Variants in SYTL5 observed in about 807,000 individuals in gnomAD.
The protein encoded by SYTL5 is synaptotagmin like 5, also known as synaptotagmin-like protein 5.
SYTL5 carries 34 observed loss-of-function variants against 55.9 expected under a neutral mutation model. The ratio of observed to expected loss-of-function variants is 0.61; its 90% confidence interval spans 0.46 to 0.81. The LOEUF is 0.81. SYTL5 is among the 30% of genes least tolerant of loss of function. SYTL5 has a pLI of 0.00. For synonymous variants in SYTL5, 221 were observed against 188.7 expected, an observed-to-expected ratio of 1.17 and a Z score of -1.40; for missense variants, 637 against 546.7, an observed-to-expected ratio of 1.17 and a Z score of -1.65.
Position 38,057,182 on chromosome X carries a change from A to G in SYTL5, c.329+2760A>G, listed in dbSNP as rs776640684. On this transcript the variant is annotated intron_variant, in intron 3 of 16. Coordinates refer to ENST00000297875, the MANE Select transcript of SYTL5 (RefSeq NM_138780.3). ...TGTATGTGGTGAGAGATATGGGTCT[A>G]GTTTCATTCTATGCATGTGGATATC... 2.7e-5 allele frequency among the ~76,000 whole-genome samples: 3 copies of G among 111,663 alleles called. No homozygotes were observed. In the South Asian group the frequency reaches 1.1e-3, roughly 42 times the overall value.
chrX:37,943,226 T>C, the SYTL5 span, among the ~76,000 whole-genome samples: 1 of 112,136 alleles, frequency 8.9e-6, no homozygotes, highest in African/African-American at 3.2e-5. Context: ...TTTTGTGAAT[T>C]GACACAGGTT....
chrX:37,963,817 T>C, the SYTL5 span, among the ~76,000 whole-genome samples: 1 of 111,923 alleles, frequency 8.9e-6, no homozygotes, highest in Non-Finnish European at 1.9e-5. Flanking sequence ...CTCCTAATCT[T>C]AGAAGAAAAG....
chrX:38,024,830 G>T (rs1481439978), intron 1 of SYTL5, among the ~76,000 whole-genome samples: 4 of 111,206 alleles, frequency 3.6e-5, no homozygotes, highest in African/African-American at 1.3e-4. Flanking sequence ...GTTATTTGAA[G>T]AATCCATATC....
chrX:38,051,129 C>G (rs1320130487), intron 2 of SYTL5, among the ~76,000 whole-genome samples: 1 of 111,699 alleles, frequency 9.0e-6, no homozygotes, highest in African/African-American at 3.3e-5. Context: ...TGGGAAAGAA[C>G]TTGGTATATT....
chrX:38,101,705 T>G (rs1265163530), intron 9 of SYTL5, among the ~76,000 whole-genome samples: 1 of 109,693 alleles, frequency 9.1e-6, no homozygotes, highest in Non-Finnish European at 1.9e-5. Context: ...GATGATATAA[T>G]CAAAAATATT....
At chrX:38,005,572 T>C (rs1229179683), upstream of SYTL5, among the ~76,000 whole-genome samples, 2 of 111,306 alleles carry the variant, frequency 1.8e-5, no homozygotes, top group Non-Finnish European at 3.8e-5. Flanking sequence ...TAAAAAATTA[T>C]AGTAACTGAA....
At chrX:38,035,548 GC>G (rs1569162850) in intron 2 of SYTL5, among the ~76,000 whole-genome samples, 2 of 103,119 alleles carry the variant, frequency 1.9e-5, no homozygotes, top group Admixed American at 2.1e-4. Flanking sequence ...CCGAGATTGC[GC>G]CACTGCACTC....
the SYTL5 span, among the ~76,000 whole-genome samples, chrX:37,902,390 C>T: frequency 8.9e-6 from 1 of 112,132 alleles, no homozygotes; most frequent in Admixed American, 9.4e-5. Context: ...CCATAACAAG[C>T]TGTGTGTCTG....
At chrX:37,934,895 A>G in the SYTL5 span, among the ~76,000 whole-genome samples, 2 of 111,653 alleles carry the variant, frequency 1.8e-5, no homozygotes, top group African/African-American at 6.5e-5. Context: ...TGGCCTCCCT[A>G]AGTGTTGGGA....
At chrX:38,100,338 A>G (rs1296336040) in intron 9 of SYTL5, among the ~76,000 whole-genome samples, 4 of 111,181 alleles carry the variant, frequency 3.6e-5, no homozygotes, top group African/African-American at 1.3e-4. Flanking sequence ...ATGACATATA[A>G]CAAAACCATT....
At chrX:37,904,249 T>G in the SYTL5 span, among the ~76,000 whole-genome samples, 3 of 84,655 alleles carry the variant, frequency 3.5e-5, no homozygotes, top group African/African-American at 1.4e-4. Flanking sequence ...AAAAAAGAGG[T>G]GTGTGTGGGG....
chrX:38,126,612 A>G lies in SYTL5; in HGVS notation c.2075A>G (p.Asp692Gly), dbSNP rs201594985. 87 of 1,209,639 alleles carry G rather than the reference A, an allele frequency of 7.2e-5. 1 individual carries two copies. The East Asian group carries it at 2.6e-3, about 36-fold the overall frequency. Residue 692 changes from aspartate (D) to glycine (G), a missense_variant, in exon 17 of 17, where the codon GAT becomes GGT. Asp to Gly is a moderately conservative substitution (Grantham distance 94). Transcript: ENST00000297875. Reference protein sequence around the residue: ...GSGVSHGKNVDWMDSQGEEQR... With the variant: ...GSGVSHGKNVGWMDSQGEEQR... ...GGTGTGAGCCATGGGAAGAACGTGG[A>G]TTGGATGGACTCTCAGGGGGAAGAG... is the stretch of plus-strand genomic sequence containing the variant.
the SYTL5 span, among the ~76,000 whole-genome samples, chrX:37,940,120 GC>G: frequency 1.8e-5 from 2 of 110,603 alleles, no homozygotes; most frequent in African/African-American, 6.6e-5. Context: ...ATAGGTGTGA[GC>G]CACCTCACCT....
At position 38,115,483 on chromosome X, in the gene SYTL5, C is replaced by CAAAA. The variant is rs772227891; in HGVS notation, c.1597-4851_1597-4848dup. On this transcript the variant is annotated intron_variant, in intron 13 of 16. Coordinates refer to ENST00000297875, the MANE Select transcript of SYTL5 (RefSeq NM_138780.3). The stretch of plus-strand genomic sequence containing the variant: ...TGGGCGACAGAGCGAGACTCCGTCT[C>CAAAA]AAAAAAAAAAAAAAAAAAAAAAAAA... Among the ~76,000 whole-genome samples the CAAAA allele has an allele frequency of 2.3e-4, 4 of 17,466 alleles. 1 individual carries two copies. The highest frequency in any genetic ancestry group is 8.0e-4 in the Admixed American group (1 of 1,252). The allele number at this position is 17,466 out of a possible 115,157, so 15.2% of individuals were successfully genotyped here.
the SYTL5 span, among the ~76,000 whole-genome samples, chrX:37,941,598 C>T: frequency 9.0e-6 from 1 of 111,530 alleles, no homozygotes; most frequent in Non-Finnish European, 1.9e-5. Flanking sequence ...GATAAGGTCC[C>T]CAGAAGTAGC....
Position 38,108,609 on chromosome X carries a change from G to A in SYTL5, c.1344G>A (p.Lys448=), listed in dbSNP as rs200409181. Residue 448 remains lysine (K), a synonymous_variant, in exon 12 of 17, where the codon AAG becomes AAA. Transcript: ENST00000297875. ...ATTTTCTTATCTATAGTTATGTCAA[G>A]TCATATCTTCTTCCTGACAAGTCCC... is the stretch of plus-strand genomic sequence containing the variant. ...EKKQRTDAYV[K]SYLLPDKSRN... is the part of the protein sequence containing the mutation. The A allele has an allele frequency of 6.1e-5, 72 of 1,179,388 alleles. No individual in the cohort carries two copies. In the Admixed American group the frequency reaches 1.1e-3, roughly 18 times the overall value.
At chrX:37,948,442 GA>G in the SYTL5 span, among the ~76,000 whole-genome samples, 2 of 109,760 alleles carry the variant, frequency 1.8e-5, no homozygotes, top group African/African-American at 3.3e-5. Flanking sequence ...ATTATATTAT[GA>G]AATCATTTAC....
At chrX:38,069,489 G>A (rs376472183) in intron 3 of SYTL5, among the ~76,000 whole-genome samples, 12 of 111,827 alleles carry the variant, frequency 1.1e-4, no homozygotes, top group Admixed American at 3.8e-4. Context: ...GACTGTTCAC[G>A]GAAAGCCATT....
At chrX:38,046,938 A>G (rs1389495974) in intron 2 of SYTL5, among the ~76,000 whole-genome samples, 10 of 111,781 alleles carry the variant, frequency 8.9e-5, no homozygotes, top group Non-Finnish European at 1.9e-4. Context: ...CTCCAAAATG[A>G]TCTCCTTTCA....
Sources: gnomAD v4.1 joint callset for allele counts (sites outside exome capture counted in the v4.1 genomes callset) on GRCh38, gnomAD v4.1.1 for gene constraint, MANE v1.5 for transcripts, NCBI Gene and HGNC (gene_info 2026-07-23, HGNC 2026-07-21) for gene names.